SCD5: variants seen among roughly 807,000 people sequenced by gnomAD.
The protein encoded by SCD5 is stearoyl-CoA desaturase 5.
SCD5 carries 20 observed loss-of-function variants against 30.4 expected under a neutral mutation model. The ratio of observed to expected loss-of-function variants is 0.66; its 90% confidence interval spans 0.46 to 0.96. The LOEUF (loss-of-function observed/expected upper bound fraction) is 0.96, where lower values mean the gene tolerates loss of function less well. Among genes scored for constraint, SCD5 ranks in the 40% least tolerant of loss-of-function variants. The pLI is 0.00. For synonymous variants in SCD5, 173 were observed against 176.4 expected (o/e 0.98, Z 0.16); for missense variants, 381 against 443.3 (o/e 0.86, Z 1.26).
intron 1 of SCD5, among the ~76,000 whole-genome samples, chr4:82,791,286 C>T (rs367806478): frequency 8.0e-4 from 121 of 152,114 alleles, no homozygotes; most frequent in Middle Eastern, 6.8e-3. Context: ...GCATGCACTA[C>T]TGTGAGGATC....
intron 1 of SCD5, chr4:82,776,148 A>C (rs1180721961): frequency 6.5e-6 from 1 of 153,216 alleles, no homozygotes; most frequent in African/African-American, 2.4e-5. Context: ...CTCTGGAGAA[A>C]ACAAAAATGG....
chr4:82,719,462 C>A (rs6535388), intron 1 of SCD5, among the ~76,000 whole-genome samples: 90,084 of 150,930 alleles, frequency 0.6, 28,780 homozygotes, highest in African/African-American at 0.82. Flanking sequence ...AGTCTAGCCT[C>A]GATTATAGTT....
Position 82,785,960 on chromosome 4 carries a change from G to A in SCD5, c.232+12346C>T, listed in dbSNP as rs147691653. Among the ~76,000 whole-genome samples, 178 of 152,278 alleles carry A rather than the reference G, an allele frequency of 1.2e-3. 1 individual carries two copies. The highest frequency in any genetic ancestry group is 3.8e-3 in the African/African-American group (157 of 41,568). On this transcript the variant is annotated intron_variant, in intron 1 of 4. Transcript: ENST00000319540. ...GTAACCATCTGCAAAAGCTTCTTACGAACCTATTAGAGGGGTGGGTTGATA... is the reference window on the plus strand; with the variant it reads ...GTAACCATCTGCAAAAGCTTCTTACAAACCTATTAGAGGGGTGGGTTGATA...
rs539730017 is a variant in SCD5 at position 82,650,956 on chromosome 4, T to C, written c.570-14133A>G. Among the ~76,000 whole-genome samples the C allele has an allele frequency of 1.8e-4, 11 of 62,286 alleles. 1 individual carries two copies. The Admixed American group carries it at 2.3e-3, about 13-fold the overall frequency. The allele number at this position is 62,286 out of a possible 152,430, so 40.9% of individuals were successfully genotyped here. ...ATAAATTACATATTTTTAGGAAAAA[T>C]AACTGTATTTTTCAATGCAACAAAA... On this transcript the variant is annotated intron_variant, in intron 3 of 4. Transcript: ENST00000319540.
At chr4:82,679,222 A>AGAGAGAAAGAAAGAAAGAG (rs10632813) in intron 3 of SCD5, among the ~76,000 whole-genome samples, 1 of 91,492 alleles carries the variant, frequency 1.1e-5, no homozygotes, top group African/African-American at 4.3e-5. Flanking sequence ...AAAGAAAGAA[A>AGAGAGAAAGAAAGAAAGAG]AGAAAGAAAG....
intron 1 of SCD5, among the ~76,000 whole-genome samples, chr4:82,710,857 TGA>T (rs199691110): frequency 5.7e-5 from 8 of 139,822 alleles, no homozygotes; most frequent in Admixed American, 7.3e-5. Flanking sequence ...AGAGAGAAAA[TGA>T]GAGAGAGAGA....
intron 3 of SCD5, among the ~76,000 whole-genome samples, chr4:82,673,913 CT>C (rs1280977187): frequency 2.0e-5 from 3 of 152,108 alleles, no homozygotes; most frequent in African/African-American, 7.2e-5. Flanking sequence ...AAAAGGTAGT[CT>C]TTTTAACAAA....
rs758617180 is a variant in SCD5 at position 82,660,975 on chromosome 4, G to T, written c.569+19732C>A. On this transcript the variant is annotated intron_variant, in intron 3 of 4. Transcript: ENST00000319540. ...GTAACAAAGCTAAAATGTGTAATCC[G>T]GGAAGGGTGACTTTCAATATATGCC... is the stretch of plus-strand genomic sequence containing the variant. 5 of 1,614,118 alleles carry T rather than the reference G, an allele frequency of 3.1e-6. No homozygotes were observed. Among genetic ancestry groups the T allele is most frequent in the Admixed American group, 3.3e-5 (2 of 60,018 alleles).
chr4:82,704,878 C>A (rs1719936258), intron 2 of SCD5, among the ~76,000 whole-genome samples: 1 of 152,222 alleles, frequency 6.6e-6, no homozygotes, highest in Non-Finnish European at 1.5e-5. Context: ...GAACCTCATT[C>A]TCCTCATCTG....
At chr4:82,682,538 GTAA>G (rs1339294240) in intron 2 of SCD5, among the ~76,000 whole-genome samples, 3 of 152,136 alleles carry the variant, frequency 2.0e-5, no homozygotes, top group African/African-American at 4.8e-5. Context: ...TATGACAATA[GTAA>G]TAATATTTTA....
chr4:82,737,099 G>T (rs1048991018), intron 1 of SCD5, among the ~76,000 whole-genome samples: 1 of 151,822 alleles, frequency 6.6e-6, no homozygotes, highest in Non-Finnish European at 1.5e-5. Flanking sequence ...ACTACACTTC[G>T]CCATGTTGCT....
At chr4:82,654,953 T>C (rs971244279) in intron 3 of SCD5, among the ~76,000 whole-genome samples, 4 of 152,230 alleles carry the variant, frequency 2.6e-5, no homozygotes, top group Non-Finnish European at 5.9e-5. Context: ...AAAGAAGTCT[T>C]AACTGAGAAT....
Position 82,629,540 on chromosome 4 carries a change from G to T in SCD5, c.*1787C>A, listed in dbSNP as rs755459751. ...GAAGTATCTGGACAAGAACACCAAT[G>T]AATTCATAATCATTTATTGTAAATC... On this transcript the variant is annotated 3_prime_UTR_variant, in exon 5 of 5. Transcript: ENST00000319540. 3.9e-5 allele frequency: 6 copies of T among 152,182 alleles called. No individual in the cohort carries two copies. Among genetic ancestry groups the T allele is most frequent in the Non-Finnish European group, 7.3e-5 (5 of 68,038 alleles). The allele number at this position is 152,182 out of a possible 1,614,324, so 9.4% of individuals were successfully genotyped here.
chr4:82,665,017 A>ATATATATATATG (rs1180189591), intron 3 of SCD5, among the ~76,000 whole-genome samples: 1 of 118,114 alleles, frequency 8.5e-6, no homozygotes. Flanking sequence ...ATATATATAT[A>ATATATATATATG]TATGTATAAT....
At chr4:82,777,946 A>G (rs1721788414) in intron 1 of SCD5, among the ~76,000 whole-genome samples, 2 of 140,604 alleles carry the variant, frequency 1.4e-5, no homozygotes, top group Admixed American at 8.0e-5. Context: ...ATTTACAAAT[A>G]GCAAAGTCAT....
At chr4:82,777,155 A>T (rs1721760700) in intron 1 of SCD5, among the ~76,000 whole-genome samples, 3 of 152,208 alleles carry the variant, frequency 2.0e-5, no homozygotes, top group Admixed American at 6.5e-5. Context: ...TAGCCCCATG[A>T]CATCACATTG....
chr4:82,663,831 G>A (rs770754217), intron 3 of SCD5, among the ~76,000 whole-genome samples: 1 of 152,220 alleles, frequency 6.6e-6, no homozygotes, highest in African/African-American at 2.4e-5. Context: ...TGCTGAGGGA[G>A]AGACAGAAGC....
intron 1 of SCD5, among the ~76,000 whole-genome samples, chr4:82,780,457 A>C (rs1220800968): frequency 6.6e-6 from 1 of 152,216 alleles, no homozygotes; most frequent in Non-Finnish European, 1.5e-5. Context: ...ATGTCCACAA[A>C]TGTGTGGAAA....
At chr4:82,710,894 CAGAGAG>C (rs34374340) in intron 1 of SCD5, among the ~76,000 whole-genome samples, 6 of 149,940 alleles carry the variant, frequency 4.0e-5, no homozygotes, top group Admixed American at 1.3e-4. Context: ...GAAAACGAGA[CAGAGAG>C]AGAGAGAGAG....
Sources: allele counts gnomAD v4.1 joint callset (sites outside exome capture counted in the v4.1 genomes callset), GRCh38; gene constraint gnomAD v4.1.1; transcripts MANE v1.5; gene names NCBI Gene and HGNC (gene_info 2026-07-23, HGNC 2026-07-21).